Variants in NOL4 observed in about 807,000 individuals in gnomAD.
NOL4 encodes nucleolar protein 4.
In NOL4, 17 loss-of-function variants were observed where a neutral mutation model predicts 75.9. The observed-to-expected ratio is 0.22, with a 90% confidence interval of 0.15 to 0.34. The LOEUF (loss-of-function observed/expected upper bound fraction) is 0.34, where lower values mean the gene tolerates loss of function less well. NOL4 is among the 10% of genes least tolerant of loss of function. NOL4 has a pLI of 1.00. For synonymous variants in NOL4, 292 were observed against 289.9 expected (o/e 1.01, Z -0.07); for missense variants, 614 against 793.5 (o/e 0.77, Z 2.72).
intron 1 of NOL4, among the ~76,000 whole-genome samples, chr18:34,214,813 G>T (rs933882952): frequency 1.3e-5 from 2 of 152,142 alleles, no homozygotes; most frequent in African/African-American, 4.8e-5. Context: ...ACCTACAATG[G>T]AATATTATTC....
intron 9 of NOL4, among the ~76,000 whole-genome samples, chr18:33,904,752 T>A (rs922024905): frequency 1.3e-5 from 2 of 152,092 alleles, no homozygotes; most frequent in Non-Finnish European, 2.9e-5. Flanking sequence ...CCCATAGGAG[T>A]CCCAGTACAA....
chr18:34,132,574 A>G lies in NOL4; in HGVS notation c.265-2554T>C, dbSNP rs2080702935. Among the ~76,000 whole-genome samples the G allele has an allele frequency of 2.0e-5, 3 of 152,188 alleles. No individual in the cohort carries two copies. The South Asian group carries it at 6.2e-4, about 31-fold the overall frequency. On this transcript the variant is annotated intron_variant, in intron 1 of 10. Coordinates refer to ENST00000261592, the MANE Select transcript of NOL4 (RefSeq NM_003787.5). The stretch of plus-strand genomic sequence containing the variant: ...TATGATTTAAGCACAATACACCTGT[A>G]CTCTATAAGTAAAAATCAAAAATGC...
intron 1 of NOL4, among the ~76,000 whole-genome samples, chr18:34,165,433 G>T (rs541804663): frequency 6.6e-6 from 1 of 152,014 alleles, no homozygotes; most frequent in Non-Finnish European, 1.5e-5. Flanking sequence ...CATTTGAAAA[G>T]GTTAGCCTAG....
intron 1 of NOL4, among the ~76,000 whole-genome samples, chr18:34,199,313 C>T (rs1600857560): frequency 6.6e-6 from 1 of 151,716 alleles, no homozygotes; most frequent in East Asian, 1.9e-4. Context: ...TGTTAAAGTG[C>T]TAGCCTCCAA....
In NOL4 at chr18:33,936,359, A is replaced by G. The variant is rs2068054739; in HGVS notation, c.1542+6706T>C. On this transcript the variant is annotated intron_variant, in intron 9 of 10. Coordinates refer to ENST00000261592, the MANE Select transcript of NOL4 (RefSeq NM_003787.5). ...GCAAGGAATTATACAGTTACTAAATATTTTTAGGTCCTGGGCCATTGGGTT... is the reference window on the plus strand; with the variant it reads ...GCAAGGAATTATACAGTTACTAAATGTTTTTAGGTCCTGGGCCATTGGGTT... Among the ~76,000 whole-genome samples, 3 of 149,694 alleles carry G rather than the reference A, an allele frequency of 2.0e-5. No homozygotes were observed. In the South Asian group the frequency reaches 6.3e-4, roughly 31 times the overall value.
intron 6 of NOL4, among the ~76,000 whole-genome samples, chr18:33,964,513 G>A (rs1247651972): frequency 6.1e-5 from 9 of 147,556 alleles, no homozygotes. Context: ...GAAAAGAAAG[G>A]AAGGAAGGAA....
chr18:34,136,756 G>C (rs1465248427), intron 1 of NOL4, among the ~76,000 whole-genome samples: 3 of 151,888 alleles, frequency 2.0e-5, no homozygotes, highest in Admixed American at 1.3e-4. Context: ...TATTTTGCAG[G>C]ATCATTGAAA....
intron 5 of NOL4, among the ~76,000 whole-genome samples, chr18:34,032,104 C>A (rs572793344): frequency 2.0e-5 from 3 of 152,202 alleles, no homozygotes; most frequent in Non-Finnish European, 4.4e-5. Flanking sequence ...AATATTACTG[C>A]GTCTAAGGTG....
chr18:34,042,050 G>T (rs554880228), intron 5 of NOL4, among the ~76,000 whole-genome samples: 3 of 152,042 alleles, frequency 2.0e-5, no homozygotes, highest in Non-Finnish European at 4.4e-5. Flanking sequence ...GAAGTCAGGA[G>T]CAAAAAATGA....
At chr18:33,894,149 A>G (rs536491689) in intron 9 of NOL4, among the ~76,000 whole-genome samples, 9 of 152,246 alleles carry the variant, frequency 5.9e-5, no homozygotes, top group African/African-American at 2.2e-4. Flanking sequence ...TGCATTTGAT[A>G]GCAAGTGTTC....
chr18:34,053,055 A>G (rs1300976920), intron 5 of NOL4, among the ~76,000 whole-genome samples: 2 of 152,022 alleles, frequency 1.3e-5, no homozygotes, highest in Admixed American at 1.3e-4. Flanking sequence ...GAAAACACCA[A>G]TTTTGGTGTG....
intron 1 of NOL4, among the ~76,000 whole-genome samples, chr18:34,160,385 A>C (rs754952497): frequency 1.0e-3 from 157 of 152,260 alleles, no homozygotes; most frequent in Non-Finnish European, 1.2e-3. Flanking sequence ...AATTCTCAAA[A>C]TTTTTAAATT....
intron 1 of NOL4, among the ~76,000 whole-genome samples, chr18:34,192,425 A>G (rs1339713547): frequency 6.6e-6 from 1 of 152,174 alleles, no homozygotes; most frequent in African/African-American, 2.4e-5. Context: ...AGCAAAACCA[A>G]ATCTGGAGTC....
At chr18:34,181,783 C>A (rs771504455) in intron 1 of NOL4, among the ~76,000 whole-genome samples, 2 of 151,504 alleles carry the variant, frequency 1.3e-5, no homozygotes, top group Non-Finnish European at 3.0e-5. Context: ...TACAAACATC[C>A]AATAAACACA....
intron 1 of NOL4, among the ~76,000 whole-genome samples, chr18:34,183,192 C>A (rs1348625732): frequency 2.0e-5 from 3 of 151,688 alleles, no homozygotes; most frequent in African/African-American, 7.3e-5. Context: ...AAAAATAATT[C>A]TCAAAATTCA....
rs368392242 is a variant in NOL4 at position 34,078,468 on chromosome 18, A to G, written c.772+14997T>C. Reference sequence around the variant, plus strand: ...ACATAAAAATTACCTCCATAGGACAATGATGGACAACCTCAATGCCATCAC... The same window carrying G: ...ACATAAAAATTACCTCCATAGGACAGTGATGGACAACCTCAATGCCATCAC... On this transcript the variant is annotated intron_variant, in intron 5 of 10. Coordinates refer to ENST00000261592, the MANE Select transcript of NOL4 (RefSeq NM_003787.5). 1.3e-3 allele frequency among the ~76,000 whole-genome samples: 203 copies of G among 152,350 alleles called. 1 individual carries two copies. The highest frequency in any genetic ancestry group is 4.7e-3 in the African/African-American group (195 of 41,590).
intron 10 of NOL4, among the ~76,000 whole-genome samples, chr18:33,871,622 T>C (rs2063705144): frequency 6.6e-6 from 1 of 152,042 alleles, no homozygotes; most frequent in African/African-American, 2.4e-5. Flanking sequence ...AACAGTTTAC[T>C]AGCAGACTCA....
At chr18:33,991,022 G>A (rs1568179676) in intron 6 of NOL4, among the ~76,000 whole-genome samples, 1 of 151,934 alleles carries the variant, frequency 6.6e-6, no homozygotes, top group East Asian at 1.9e-4. Flanking sequence ...CCTGTTACCT[G>A]CCTTCATAAA....
intron 10 of NOL4, among the ~76,000 whole-genome samples, chr18:33,876,719 GA>G (rs1301172471): frequency 6.6e-6 from 1 of 152,028 alleles, no homozygotes; most frequent in Non-Finnish European, 1.5e-5. Flanking sequence ...AATTTATGAA[GA>G]AAGTACACAA....
Sources: gnomAD v4.1 joint callset for allele counts (sites outside exome capture counted in the v4.1 genomes callset) on GRCh38, gnomAD v4.1.1 for gene constraint, MANE v1.5 for transcripts, NCBI Gene and HGNC (gene_info 2026-07-23, HGNC 2026-07-21) for gene names.